The following R3HCC1L variants were observed in gnomAD, a reference collection of about 807,000 sequenced individuals.
R3HCC1L encodes coiled-coil domain-containing protein R3HCC1L.
A neutral mutation model predicts 59.9 loss-of-function variants in R3HCC1L; 51 were observed. The observed-to-expected ratio is 0.85, with a 90% confidence interval of 0.68 to 1.07. The LOEUF is 1.07. Ranked by LOEUF, R3HCC1L falls within the 50% of genes least tolerant of loss-of-function variation. R3HCC1L has a pLI of 0.00. For missense variants in R3HCC1L, 965 were observed against 933.0 expected (o/e 1.03, Z -0.45); for synonymous variants, 322 against 315.2 (o/e 1.02, Z -0.23).
At chr10:98,160,106 A>G (rs958151068) in intron 2 of R3HCC1L, among the ~76,000 whole-genome samples, 11 of 152,200 alleles carry the variant, frequency 7.2e-5, no homozygotes, top group Admixed American at 1.3e-4. Flanking sequence ...ACCTGGCCCT[A>G]TTACTCATAT....
rs1228738844 is a variant in R3HCC1L, at chr10:98,174,544, A to C, written c.-15+11147A>C. On this transcript the variant is annotated intron_variant, in intron 4 of 9. Transcript: ENST00000298999. ...AATGAAACAGTTGAATAAGAATATA[A>C]AGGAGTATATAATGAGAGTGATATA... The C allele has an allele frequency of 9.8e-6, 9 of 922,800 alleles. No homozygotes were observed. The African/African-American group carries it at 1.6e-4, about 17-fold the overall frequency. 57.2% of individuals were successfully genotyped at this position (922,800 alleles called of 1,614,324 possible). A position where few individuals can be genotyped will look rare whatever the true frequency, so the allele number is the denominator to read the frequency against.
intron 4 of R3HCC1L, among the ~76,000 whole-genome samples, chr10:98,175,744 A>G (rs1341335320): frequency 1.3e-5 from 2 of 152,068 alleles, no homozygotes; most frequent in Non-Finnish European, 2.9e-5. Context: ...AAATTCTCTT[A>G]CATGTCTTTG....
At chr10:98,156,869 C>A (rs1401367537) in intron 2 of R3HCC1L, among the ~76,000 whole-genome samples, 1 of 152,192 alleles carries the variant, frequency 6.6e-6, no homozygotes, top group Non-Finnish European at 1.5e-5. Context: ...ACTATAGTTA[C>A]AAACACTCAG....
At chr10:98,194,688 C>T (rs986908476) in intron 4 of R3HCC1L, among the ~76,000 whole-genome samples, 8 of 152,090 alleles carry the variant, frequency 5.3e-5, no homozygotes, top group African/African-American at 1.2e-4. Flanking sequence ...CAAGAAGATA[C>T]GTGCATGGCC....
At chr10:98,160,493 C>T (rs891477449) in intron 2 of R3HCC1L, among the ~76,000 whole-genome samples, 1 of 152,178 alleles carries the variant, frequency 6.6e-6, no homozygotes, top group East Asian at 1.9e-4. Flanking sequence ...TATTAAATTA[C>T]ATATGTGGCT....
chr10:98,208,235 G>T lies in R3HCC1L; in HGVS notation c.121G>T (p.Gly41Cys), dbSNP rs1457684555. Residue 41 changes from glycine (G) to cysteine (C), a missense_variant, in exon 5 of 10, where the codon GGT becomes TGT. Physicochemically the swap from Gly to Cys is radical, Grantham distance 159. Coordinates refer to ENST00000298999, the MANE Select transcript of R3HCC1L (RefSeq NM_001351015.2). ...LKTGDEEESC[G>C]SPNSVVKEKQ... is the part of the protein sequence containing the mutation. ...GACAGGTGATGAAGAAGAAAGCTGT[G>T]GTTCACCTAACTCTGTGGTGAAAGA... 6.2e-7 allele frequency: 1 copy of T among 1,613,840 alleles called. No homozygotes were observed. Among genetic ancestry groups the T allele is most frequent in the Non-Finnish European group, 8.5e-7 (1 of 1,180,000 alleles).
chr10:98,139,088 C>T (rs1321575303), intron 1 of R3HCC1L, among the ~76,000 whole-genome samples: 4 of 152,054 alleles, frequency 2.6e-5, no homozygotes, highest in Non-Finnish European at 5.9e-5. Flanking sequence ...GACCATGGAA[C>T]CTAGAAACAC....
intron 4 of R3HCC1L, among the ~76,000 whole-genome samples, chr10:98,165,418 C>G (rs1156704930): frequency 6.6e-6 from 1 of 152,188 alleles, no homozygotes; most frequent in Non-Finnish European, 1.5e-5. Context: ...TAGGGCTTAT[C>G]TTTTCCAGGA....
intron 4 of R3HCC1L, among the ~76,000 whole-genome samples, chr10:98,182,769 C>T (rs1210032031): frequency 6.6e-6 from 1 of 152,232 alleles, no homozygotes; most frequent in Non-Finnish European, 1.5e-5. Context: ...CTGAGCCAGG[C>T]TGCTGCCTCG....
chr10:98,165,713 C>T (rs1454713869), intron 4 of R3HCC1L, among the ~76,000 whole-genome samples: 2 of 152,194 alleles, frequency 1.3e-5, no homozygotes, highest in Non-Finnish European at 2.9e-5. Context: ...TACAATGAAC[C>T]TTTGGCTGTA....
chr10:98,200,063 TTCTTTAGTTGTTGAGTGAATTGTTCTA>T (rs1471440016), intron 4 of R3HCC1L, among the ~76,000 whole-genome samples: 1 of 152,084 alleles, frequency 6.6e-6, no homozygotes, highest in Admixed American at 6.5e-5. Context: ...ATCATCGTCC[TTCTTTAGTTGTTGAGTGAATTGTTCTA>T]TCTTTAGTTG....
At chr10:98,171,958 A>G (rs914267677) in intron 4 of R3HCC1L, among the ~76,000 whole-genome samples, 4 of 152,210 alleles carry the variant, frequency 2.6e-5, no homozygotes, top group Admixed American at 6.5e-5. Context: ...ATTATGTTTA[A>G]TATGTATGCA....
At chr10:98,146,508 T>A (rs1485639056) in intron 1 of R3HCC1L, among the ~76,000 whole-genome samples, 2 of 152,208 alleles carry the variant, frequency 1.3e-5, no homozygotes, top group Non-Finnish European at 2.9e-5. Flanking sequence ...CAATCTGCAT[T>A]CTATCTTCAA....
chr10:98,158,256 C>T (rs1468168576), intron 2 of R3HCC1L, among the ~76,000 whole-genome samples: 1 of 152,008 alleles, frequency 6.6e-6, no homozygotes, highest in African/African-American at 2.4e-5. Flanking sequence ...TGTTCCTTCC[C>T]CCATTTTTTC....
At chr10:98,162,427 C>T (rs933366438) in intron 2 of R3HCC1L, among the ~76,000 whole-genome samples, 3 of 152,134 alleles carry the variant, frequency 2.0e-5, no homozygotes, top group African/African-American at 7.2e-5. Flanking sequence ...TGTTTGAGCC[C>T]TATTCTGTTG....
chr10:98,211,345 A>C (rs769953374), intron 5 of R3HCC1L: 15 of 1,533,744 alleles, frequency 9.8e-6, no homozygotes, highest in African/African-American at 2.7e-5. Flanking sequence ...ACCACTGCTC[A>C]AAGGTAATAC....
intron 1 of R3HCC1L, among the ~76,000 whole-genome samples, chr10:98,143,465 C>G (rs2133898514): frequency 6.6e-6 from 1 of 152,268 alleles, no homozygotes; most frequent in African/African-American, 2.4e-5. Context: ...TTTTTTCCTC[C>G]AGTATTAGTC....
At chr10:98,232,906 G>GT (rs1564735891) in intron 6 of R3HCC1L, among the ~76,000 whole-genome samples, 1 of 152,138 alleles carries the variant, frequency 6.6e-6, no homozygotes, top group African/African-American at 2.4e-5. Context: ...CCATGTACTT[G>GT]TTTAATCAGT....
At chr10:98,217,688 T>C (rs1222577170) in intron 5 of R3HCC1L, among the ~76,000 whole-genome samples, 2 of 152,220 alleles carry the variant, frequency 1.3e-5, no homozygotes, top group Admixed American at 6.5e-5. Context: ...CTCTCCAGTT[T>C]TCTTTCATCA....
Sources: gnomAD v4.1 joint callset for allele counts (sites outside exome capture counted in the v4.1 genomes callset) on GRCh38, gnomAD v4.1.1 for gene constraint, MANE v1.5 for transcripts, NCBI Gene and HGNC (gene_info 2026-07-23, HGNC 2026-07-21) for gene names.